The following SYCP1 variants were observed in gnomAD, a reference collection of about 807,000 sequenced individuals.
SYCP1 encodes synaptonemal complex protein 1, also known as cancer/testis antigen 8.
In SYCP1, 64 loss-of-function variants were observed where a neutral mutation model predicts 153.1. The ratio of observed to expected loss-of-function variants is 0.42; its 90% CI spans 0.34 to 0.51. The LOEUF is 0.51. SYCP1 is among the 20% of genes least tolerant of loss of function. The pLI, the probability that SYCP1 is intolerant of heterozygous loss-of-function variation, is 0.06. For missense variants in SYCP1, 997 were observed against 1,049.0 expected, an observed-to-expected ratio of 0.95 and a Z score of 0.68; for synonymous variants, 384 against 341.8, an observed-to-expected ratio of 1.12 and a Z score of -1.36.
In SYCP1 at chr1:114,923,431, T is replaced by G; in HGVS notation, c.1719-18T>G. ...CTAATAATTTTTAGTATAATGTCAC[T>G]CTTCCATTTTCTTTTAGAAATGAAC... On this transcript the variant is annotated intron_variant, in intron 20 of 31. Transcript: ENST00000369522. 1 of 1,554,018 alleles carries G rather than the reference T, an allele frequency of 6.4e-7. No individual in the cohort carries two copies. Among genetic ancestry groups the G allele is most frequent in the Non-Finnish European group, 8.7e-7 (1 of 1,144,694 alleles).
At chr1:114,910,560 GA>G in intron 17 of SYCP1, 59 bp downstream of exon 17, 1 of 1,075,226 alleles carries the variant, frequency 9.3e-7, no homozygotes, top group Admixed American at 2.8e-5. Flanking sequence ...TAGATTTATG[GA>G]TTATGGTATA....
chr1:114,911,376 C>A (rs1668164685), intron 17 of SYCP1, 103 bp from the exon 18 acceptor site: 2 of 658,106 alleles, frequency 3.0e-6, no homozygotes, highest in Non-Finnish European at 2.4e-6. Flanking sequence ...ACATAACCTG[C>A]CAAATTTTTG....
At chr1:114,974,364 A>AGTG (rs1672682611) in intron 27 of SYCP1, among the ~76,000 whole-genome samples, 1 of 151,950 alleles carries the variant, frequency 6.6e-6, no homozygotes, top group Non-Finnish European at 1.5e-5. Context: ...AACATATAAC[A>AGTG]TTAAGTGCAC....
At chr1:114,860,665 T>C in intron 7 of SYCP1, 71 bp from the exon 8 acceptor site, 1 of 953,618 alleles carries the variant, frequency 1.0e-6, no homozygotes, top group South Asian at 1.7e-5. Flanking sequence ...ACAATATATT[T>C]CATAACTTAT....
intron 28 of SYCP1, 106 bp downstream of exon 28, chr1:114,977,722 TCATA>T (rs771787036): frequency 1.3e-4 from 82 of 630,390 alleles, no homozygotes; most frequent in South Asian, 1.3e-3. Flanking sequence ...TTTACATATA[TCATA>T]CAATTTCATT....
chr1:114,869,727 C>A (rs1664987159), intron 8 of SYCP1, among the ~76,000 whole-genome samples: 1 of 152,042 alleles, frequency 6.6e-6, no homozygotes, highest in East Asian at 1.9e-4. Flanking sequence ...GCAAATATTC[C>A]AAAATCTAAA....
intron 20 of SYCP1, among the ~76,000 whole-genome samples, chr1:114,921,196 C>T (rs896299367): frequency 1.3e-5 from 2 of 151,112 alleles, no homozygotes; most frequent in African/African-American, 4.9e-5. Flanking sequence ...ATCTTATAAC[C>T]CATTATTTTA....
At chr1:114,898,375 C>T (rs992006505) in intron 16 of SYCP1, among the ~76,000 whole-genome samples, 1 of 152,174 alleles carries the variant, frequency 6.6e-6, no homozygotes, top group African/African-American at 2.4e-5. Flanking sequence ...CTTGGTCTTA[C>T]TTTCCCAAAA....
chr1:114,899,168 A>G (rs1667256356), intron 16 of SYCP1, among the ~76,000 whole-genome samples: 1 of 152,246 alleles, frequency 6.6e-6, no homozygotes, highest in Admixed American at 6.5e-5. Flanking sequence ...GATGCAAACA[A>G]CTATATTGCC....
At chr1:114,959,031 T>C (rs1671617800) in intron 27 of SYCP1, among the ~76,000 whole-genome samples, 1 of 152,172 alleles carries the variant, frequency 6.6e-6, no homozygotes, top group South Asian at 2.1e-4. Context: ...TTTTTCAGTT[T>C]CTTGTTGGTA....
At chr1:114,894,641 G>T (rs1666937897) in intron 15 of SYCP1, among the ~76,000 whole-genome samples, 2 of 152,104 alleles carry the variant, frequency 1.3e-5, no homozygotes, top group Admixed American at 1.3e-4. Context: ...AGAACAGGAG[G>T]TAGAGAGGAA....
At chr1:114,891,355 C>G (rs1167977286) in intron 15 of SYCP1, among the ~76,000 whole-genome samples, 1 of 152,146 alleles carries the variant, frequency 6.6e-6, no homozygotes, top group Non-Finnish European at 1.5e-5. Flanking sequence ...GGATAGCCAC[C>G]TTTTGCTCAT....
intron 27 of SYCP1, among the ~76,000 whole-genome samples, chr1:114,974,506 C>T (rs751624839): frequency 2.5e-4 from 38 of 151,790 alleles, no homozygotes; most frequent in Non-Finnish European, 3.7e-4. Flanking sequence ...TTCCCTTTTC[C>T]TCTTCCTCCC....
chr1:114,902,167 A>G (rs1667499066), intron 16 of SYCP1, among the ~76,000 whole-genome samples: 2 of 152,224 alleles, frequency 1.3e-5, no homozygotes, highest in East Asian at 3.9e-4. Context: ...GGCCATGGAA[A>G]GGCTGGGTTG....
intron 27 of SYCP1, among the ~76,000 whole-genome samples, chr1:114,962,458 G>A (rs1252321768): frequency 6.6e-6 from 1 of 152,038 alleles, no homozygotes; most frequent in Non-Finnish European, 1.5e-5. Flanking sequence ...AGTCTGTTTT[G>A]TCTGATGTAA....
intron 16 of SYCP1, among the ~76,000 whole-genome samples, chr1:114,896,067 A>G (rs926375299): frequency 1.3e-5 from 2 of 152,030 alleles, no homozygotes; most frequent in Admixed American, 1.3e-4. Context: ...TTTATTTTTA[A>G]GAACCTTGTA....
chr1:114,878,102 A>T lies in SYCP1; in HGVS notation c.810A>T (p.Leu270=), dbSNP rs1472804503. 2 of 1,544,224 alleles carry T rather than the reference A, an allele frequency of 1.3e-6. No individual in the cohort carries two copies. The highest frequency in any genetic ancestry group is 1.7e-4 in the Middle Eastern group (1 of 5,848). The change falls in exon 12 of 32, where the codon CTA becomes CTT. Residue 270 remains leucine, a synonymous_variant. Transcript: ENST00000369522. The part of the protein sequence containing the change: ...EINDKEKQVS[L]LLIQITEKEN... ...TTATTTAAATATTTTAGGTATCACT[A>T]CTATTGATCCAAATCACTGAGAAAG...
chr1:114,864,816 T>C (rs1472548397), intron 8 of SYCP1, among the ~76,000 whole-genome samples: 10 of 152,140 alleles, frequency 6.6e-5, no homozygotes, highest in African/African-American at 2.4e-4. Context: ...TCTCTTCCAG[T>C]TTACTGATTT....
At position 114,977,601 on chromosome 1, in the gene SYCP1, A is replaced by G; in HGVS notation, c.2367A>G (p.Lys789=). The change falls in exon 28 of 32, where the codon AAA becomes AAG. Residue 789 remains lysine (K), a synonymous_variant. Transcript: ENST00000369522. ...REAKENTATL[K]EKKDKKTQTF... ...CAAAAGAAAACACAGCTACTCTTAA[A>G]GAAAAAAAAGACAAGGTAAGAGCAT... 6.6e-7 allele frequency: 1 copy of G among 1,506,682 alleles called. No individual in the cohort carries two copies. The highest frequency in any genetic ancestry group is 8.9e-7 in the Non-Finnish European group (1 of 1,122,522). The allele number at this position is 1,506,682 out of a possible 1,614,324, so 93.3% of individuals were successfully genotyped here.
Sources: gnomAD v4.1 joint callset for allele counts (sites outside exome capture counted in the v4.1 genomes callset) on GRCh38, gnomAD v4.1.1 for gene constraint, MANE v1.5 for transcripts, NCBI Gene and HGNC (gene_info 2026-07-23, HGNC 2026-07-21) for gene names.